NHS: variants seen among roughly 807,000 people sequenced by gnomAD.
NHS encodes NHS actin remodeling regulator, also known as actin remodeling regulator NHS.
NHS carries 5 observed loss-of-function variants against 72.5 expected under a neutral mutation model. The ratio of observed to expected loss-of-function variants is 0.07; its 90% CI spans 0.04 to 0.14. The LOEUF (loss-of-function observed/expected upper bound fraction) is 0.14, where lower values mean the gene tolerates loss of function less well. Among genes scored for constraint, NHS ranks in the 10% least tolerant of loss-of-function variants. NHS has a pLI of 1.00. For missense variants in NHS, 1,072 were observed against 1,355.7 expected, an observed-to-expected ratio of 0.79 and a Z score of 3.29; for synonymous variants, 464 against 547.7, an observed-to-expected ratio of 0.85 and a Z score of 2.13.
Position 17,416,994 on chromosome X carries a change from C to A in NHS, c.565+40672C>A, listed in dbSNP as rs771580522. Among the ~76,000 whole-genome samples the A allele has an allele frequency of 4.5e-5, 5 of 110,237 alleles. 1 individual carries two copies. The South Asian group carries it at 2.0e-3, about 43-fold the overall frequency. On this transcript the variant is annotated intron_variant, in intron 1 of 8. Transcript: ENST00000676302. The stretch of plus-strand genomic sequence containing the variant: ...GAAATAGAAAGATAATTACATTCAC[C>A]CTCTTTATTACCCTTCTGGACAAAC...
At chrX:17,664,770 T>C (rs187581528) in intron 1 of NHS, among the ~76,000 whole-genome samples, 9 of 111,861 alleles carry the variant, frequency 8.0e-5, no homozygotes, top group African/African-American at 2.9e-4. Flanking sequence ...TGGCATTCAT[T>C]TGAATATATG....
At chrX:17,438,968 C>A (rs2064738283) in intron 1 of NHS, among the ~76,000 whole-genome samples, 1 of 109,076 alleles carries the variant, frequency 9.2e-6, no homozygotes, top group Non-Finnish European at 1.9e-5. Context: ...GGAGTAATGC[C>A]CTTCACCATC....
intron 2 of NHS, 67 bp from the exon 3 acceptor site, chrX:17,692,268 C>T: frequency 8.4e-7 from 1 of 1,190,520 alleles, no homozygotes; most frequent in Admixed American, 2.2e-5. Context: ...GCTAACACTC[C>T]CAAGGGGAAA....
chrX:17,486,605 T>C (rs915919883), intron 1 of NHS, among the ~76,000 whole-genome samples: 1 of 111,821 alleles, frequency 8.9e-6, no homozygotes, highest in Non-Finnish European at 1.9e-5. Context: ...AAGCACATTT[T>C]AAGCTTCAGC....
chrX:17,717,908 C>A (rs1414656450), intron 3 of NHS, among the ~76,000 whole-genome samples: 2 of 111,978 alleles, frequency 1.8e-5, no homozygotes, highest in Non-Finnish European at 3.8e-5. Context: ...CCAACGAAAG[C>A]AAATAATTCA....
intron 1 of NHS, among the ~76,000 whole-genome samples, chrX:17,631,203 A>G (rs1386824478): frequency 1.8e-5 from 2 of 111,861 alleles, no homozygotes; most frequent in African/African-American, 6.5e-5. Flanking sequence ...GCATCTTTAA[A>G]TTTTTTTCAT....
chrX:17,466,712 G>A (rs1453352701), intron 1 of NHS, among the ~76,000 whole-genome samples: 2 of 111,540 alleles, frequency 1.8e-5, no homozygotes, highest in African/African-American at 6.5e-5. Context: ...TCACCTCAGA[G>A]GGGGGTTTTG....
chrX:17,515,746 A>G (rs1005266426), intron 1 of NHS, among the ~76,000 whole-genome samples: 6 of 111,982 alleles, frequency 5.4e-5, no homozygotes, highest in Middle Eastern at 4.6e-3. Context: ...TGCTCATTCA[A>G]TTCTCACAAC....
chrX:17,609,294 A>G (rs1217021689), intron 1 of NHS, among the ~76,000 whole-genome samples: 1 of 112,222 alleles, frequency 8.9e-6, no homozygotes, highest in South Asian at 3.7e-4. Flanking sequence ...GGAGGAAGAC[A>G]TTGTTTTGAC....
At chrX:17,548,339 G>A (rs1053196610) in intron 1 of NHS, among the ~76,000 whole-genome samples, 1 of 110,632 alleles carries the variant, frequency 9.0e-6, no homozygotes, top group African/African-American at 3.3e-5. Flanking sequence ...GTGCAGATGG[G>A]TCTCACACCA....
chrX:17,630,137 T>C (rs1035009628), intron 1 of NHS, among the ~76,000 whole-genome samples: 2 of 99,716 alleles, frequency 2.0e-5, no homozygotes, highest in Non-Finnish European at 4.0e-5. Flanking sequence ...CAACTTAGCA[T>C]GCGAATGATA....
At chrX:17,481,962 A>G (rs2064947652) in intron 1 of NHS, among the ~76,000 whole-genome samples, 1 of 112,118 alleles carries the variant, frequency 8.9e-6, no homozygotes, top group Non-Finnish European at 1.9e-5. Context: ...TATGACATTC[A>G]TCCATGCTGT....
intron 1 of NHS, among the ~76,000 whole-genome samples, chrX:17,392,530 A>C (rs1452229580): frequency 8.9e-6 from 1 of 112,055 alleles, no homozygotes; most frequent in Non-Finnish European, 1.9e-5. Flanking sequence ...AGAGATACAG[A>C]ATTCCTATGT....
intron 1 of NHS, among the ~76,000 whole-genome samples, chrX:17,435,838 C>T (rs1221172107): frequency 8.9e-6 from 1 of 111,858 alleles, no homozygotes; most frequent in African/African-American, 3.3e-5. Context: ...TCCTCTTGGG[C>T]CTATCAGTCT....
chrX:17,539,149 C>A (rs1569276286), intron 1 of NHS, among the ~76,000 whole-genome samples: 1 of 111,886 alleles, frequency 8.9e-6, no homozygotes, highest in Non-Finnish European at 1.9e-5. Context: ...TCCTTCAAGG[C>A]CTTTGCCCTT....
intron 1 of NHS, among the ~76,000 whole-genome samples, chrX:17,413,873 C>T (rs1336629540): frequency 1.8e-5 from 2 of 112,228 alleles, no homozygotes; most frequent in Non-Finnish European, 3.8e-5. Context: ...AAGAGGAAGG[C>T]AATTAAACAA....
intron 1 of NHS, among the ~76,000 whole-genome samples, chrX:17,522,586 T>C (rs764620616): frequency 1.1e-4 from 11 of 99,368 alleles, no homozygotes; most frequent in African/African-American, 3.7e-4. Context: ...TGGGTGTGGC[T>C]GCTCTTCCGA....
chrX:17,527,984 A>G (rs2065181126), intron 1 of NHS, among the ~76,000 whole-genome samples: 1 of 111,270 alleles, frequency 9.0e-6, no homozygotes, highest in Non-Finnish European at 1.9e-5. Flanking sequence ...TTATGTCTCC[A>G]CATTCTTTTC....
At chrX:17,402,722 A>G (rs1235424978) in intron 1 of NHS, among the ~76,000 whole-genome samples, 2 of 111,780 alleles carry the variant, frequency 1.8e-5, no homozygotes, top group Non-Finnish European at 3.8e-5. Context: ...TTAGATAGTG[A>G]TAATGGTTGT....
Sources: allele counts gnomAD v4.1 joint callset (sites outside exome capture counted in the v4.1 genomes callset), GRCh38; gene constraint gnomAD v4.1.1; transcripts MANE v1.5; gene names NCBI Gene and HGNC (gene_info 2026-07-23, HGNC 2026-07-21).